Variants in TNS3 observed in about 807,000 individuals in gnomAD.
TNS3 encodes tensin 3.
TNS3 carries 45 observed loss-of-function variants against 140.9 expected under a neutral mutation model. That is an observed-to-expected ratio of 0.32 (90% CI 0.25 to 0.41). The LOEUF (loss-of-function observed/expected upper bound fraction) is 0.41, where lower values mean the gene tolerates loss of function less well. Among genes scored for constraint, TNS3 ranks in the 10% least tolerant of loss-of-function variants. The pLI is 1.00. For synonymous variants in TNS3, 815 were observed against 788.4 expected (o/e 1.03, Z -0.56); for missense variants, 1,716 against 1,906.7 (o/e 0.90, Z 1.86).
At chr7:47,541,921 T>C (rs546254456) in intron 1 of TNS3, among the ~76,000 whole-genome samples, 26 of 147,270 alleles carry the variant, frequency 1.8e-4, no homozygotes, top group African/African-American at 6.8e-4. Context: ...TGCACTCCAG[T>C]GTGGGCAACA....
chr7:47,388,479 G>C (rs897383156), intron 16 of TNS3, among the ~76,000 whole-genome samples: 4 of 152,166 alleles, frequency 2.6e-5, no homozygotes, highest in African/African-American at 9.7e-5. Context: ...TGGTTAAGTG[G>C]GCAGGGTCAC....
chr7:47,359,927 G>A (rs1166040937), intron 17 of TNS3, among the ~76,000 whole-genome samples: 1 of 152,120 alleles, frequency 6.6e-6, no homozygotes, highest in East Asian at 1.9e-4. Flanking sequence ...GTCCCAGAAG[G>A]CCCAGATAGC....
At chr7:47,580,513 C>T (rs1330631281) in intron 1 of TNS3, among the ~76,000 whole-genome samples, 4 of 149,814 alleles carry the variant, frequency 2.7e-5, no homozygotes, top group Non-Finnish European at 5.9e-5. Flanking sequence ...ACACACCCCC[C>T]ACCCCCTGTG....
Position 47,470,409 on chromosome 7 carries a change from T to A in TNS3, c.-76+10694A>T, listed in dbSNP as rs542566184. On this transcript the variant is annotated intron_variant, in intron 4 of 30. Transcript: ENST00000311160. ...AGTAAAATATGTGACCACTCTAGAA[T>A]CTGTGCCATAAAAGAAAAGAAATCC... The A allele has an allele frequency of 3.1e-6, 3 of 963,670 alleles. No homozygotes were observed. In the South Asian group the frequency reaches 1.4e-4, roughly 46 times the overall value. 59.7% of individuals were successfully genotyped at this position (963,670 alleles called of 1,614,324 possible).
intron 17 of TNS3, among the ~76,000 whole-genome samples, chr7:47,354,752 G>A (rs1789890235): frequency 6.6e-6 from 1 of 152,188 alleles, no homozygotes; most frequent in Non-Finnish European, 1.5e-5. Flanking sequence ...CATGCAGCTG[G>A]GGTCTCTGTG....
chr7:47,569,388 T>A (rs796100538), intron 1 of TNS3, among the ~76,000 whole-genome samples: 21 of 146,308 alleles, frequency 1.4e-4, no homozygotes, highest in African/African-American at 5.4e-4. Flanking sequence ...ACTAAAAATT[T>A]AAAAAATTAG....
chr7:47,369,423 C>G lies in TNS3; in HGVS notation c.1223G>C (p.Arg408Pro). The G allele has an allele frequency of 7.4e-6, 12 of 1,614,142 alleles. No homozygotes were observed. Among genetic ancestry groups the G allele is most frequent in the Non-Finnish European group, 1.0e-5 (12 of 1,180,030 alleles). Residue 408 changes from arginine (R) to proline (P), a missense_variant, in exon 17 of 31, where the codon CGC (arginine) becomes CCC (proline). Arg to Pro is a moderately radical substitution (Grantham distance 103). Coordinates refer to ENST00000311160, the MANE Select transcript of TNS3 (RefSeq NM_022748.12). ...ASARTDKTEE[R>P]LAPGTRRGLS... The stretch of plus-strand genomic sequence containing the variant: ...GCCCCTCCTGGTTCCTGGGGCCAGG[C>G]GCTCTTCCGTCTTATCCGTCCTGGC...
At chr7:47,537,456 C>A (rs753455049) in intron 1 of TNS3, among the ~76,000 whole-genome samples, 7 of 152,174 alleles carry the variant, frequency 4.6e-5, no homozygotes, top group South Asian at 2.1e-4. Flanking sequence ...GAGGCACAGG[C>A]TGAGCCGCCA....
chr7:47,417,530 A>G (rs1354362759), intron 10 of TNS3, among the ~76,000 whole-genome samples: 2 of 152,230 alleles, frequency 1.3e-5, no homozygotes, highest in African/African-American at 4.8e-5. Flanking sequence ...CCCCAAAACC[A>G]GTTCTCAACA....
intron 30 of TNS3, chr7:47,279,656 C>T (rs563854199): frequency 3.1e-5 from 5 of 158,734 alleles, no homozygotes; most frequent in African/African-American, 7.3e-5. Flanking sequence ...GAGCCAAGAT[C>T]GCGCCACTGC....
chr7:47,294,134 G>A (rs778428797), intron 24 of TNS3, among the ~76,000 whole-genome samples: 1 of 152,156 alleles, frequency 6.6e-6, no homozygotes, highest in Non-Finnish European at 1.5e-5. Context: ...CCCAACGAAG[G>A]GAATGAGCTT....
intron 4 of TNS3, among the ~76,000 whole-genome samples, chr7:47,448,739 A>G (rs1012508505): frequency 1.3e-5 from 2 of 152,158 alleles, no homozygotes; most frequent in African/African-American, 4.8e-5. Context: ...CTCGGCTTCC[A>G]ATGCTGGGAT....
intron 6 of TNS3, among the ~76,000 whole-genome samples, chr7:47,438,608 A>G (rs915501475): frequency 2.4e-4 from 36 of 152,066 alleles, no homozygotes; most frequent in Admixed American, 2.2e-3. Flanking sequence ...CAGGAGCCTG[A>G]GTGAATCAAG....
chr7:47,471,857 A>G (rs2151743939), intron 4 of TNS3, among the ~76,000 whole-genome samples: 1 of 152,336 alleles, frequency 6.6e-6, no homozygotes, highest in Non-Finnish European at 1.5e-5. Flanking sequence ...CAACTAATCA[A>G]TATGAAAGAA....
chr7:47,550,915 AC>A (rs1430739999), intron 1 of TNS3, among the ~76,000 whole-genome samples: 1 of 152,170 alleles, frequency 6.6e-6, no homozygotes, highest in East Asian at 1.9e-4. Flanking sequence ...AAACAGTCTT[AC>A]CCCACTCCTG....
chr7:47,482,346 TGTGTCTG>T (rs1797452332), intron 3 of TNS3, among the ~76,000 whole-genome samples: 2 of 152,204 alleles, frequency 1.3e-5, no homozygotes, highest in Non-Finnish European at 2.9e-5. Context: ...TGGCCGTTCC[TGTGTCTG>T]GGACACATCA....
chr7:47,401,124 G>T (rs1172656370), intron 13 of TNS3, among the ~76,000 whole-genome samples: 1 of 152,194 alleles, frequency 6.6e-6, no homozygotes, highest in Non-Finnish European at 1.5e-5. Context: ...GCTGCTGCTG[G>T]GTGCGGGGCT....
At chr7:47,563,661 T>C (rs1800363266) in intron 1 of TNS3, among the ~76,000 whole-genome samples, 1 of 152,206 alleles carries the variant, frequency 6.6e-6, no homozygotes, top group Admixed American at 6.5e-5. Context: ...AACAGTGTAT[T>C]ATCTCATGAC....
chr7:47,541,416 G>A (rs1296775908), intron 1 of TNS3, among the ~76,000 whole-genome samples: 2 of 152,056 alleles, frequency 1.3e-5, no homozygotes. Context: ...GGAGGGTGCG[G>A]AGGCTCCAAT....
Sources: gnomAD v4.1 joint callset for allele counts (sites outside exome capture counted in the v4.1 genomes callset) on GRCh38, gnomAD v4.1.1 for gene constraint, MANE v1.5 for transcripts, NCBI Gene and HGNC (gene_info 2026-07-23, HGNC 2026-07-21) for gene names.